Variants in GSE1 observed in about 807,000 individuals in gnomAD.
GSE1 encodes Gse1 coiled-coil protein, also known as genetic suppressor element 1.
In GSE1, 32 loss-of-function variants were observed where a neutral mutation model predicts 112.6. That is an observed-to-expected ratio of 0.28 (90% CI 0.21 to 0.38). The LOEUF is 0.38. GSE1 is among the 10% of genes least tolerant of loss of function. GSE1 has a pLI of 1.00. For missense variants in GSE1, 2,348 were observed against 1,699.2 expected (o/e 1.38, Z -6.71); for synonymous variants, 1,115 against 735.6 (o/e 1.52, Z -8.35).
intron 1 of GSE1, among the ~76,000 whole-genome samples, chr16:85,334,337 A>G (rs1041322665): frequency 6.6e-6 from 1 of 152,192 alleles, no homozygotes; most frequent in African/African-American, 2.4e-5. Flanking sequence ...CACGCCTCAC[A>G]GCATTTCTGG....
At chr16:85,478,014 G>T (rs988879069) in intron 2 of GSE1, among the ~76,000 whole-genome samples, 1 of 151,960 alleles carries the variant, frequency 6.6e-6, no homozygotes, top group East Asian at 1.9e-4. Context: ...CCCCATTAGC[G>T]GTCACTCCGC....
intron 2 of GSE1, among the ~76,000 whole-genome samples, chr16:85,371,968 G>A (rs2047310467): frequency 6.6e-6 from 1 of 152,232 alleles, no homozygotes; most frequent in African/African-American, 2.4e-5. Flanking sequence ...GAGAGGGAGA[G>A]GAAGCGTGCA....
In GSE1 at chr16:85,656,394, CGAGCGTGAGCGT is replaced by C. The variant is rs145522531; in HGVS notation, c.1045_1056del (p.Arg349_Glu352del). The C allele has an allele frequency of 1.6e-4, 240 of 1,532,338 alleles. 1 individual carries two copies. Among genetic ancestry groups the C allele is most frequent in the Middle Eastern group, 5.3e-4 (3 of 5,714 alleles). The allele number at this position is 1,532,338 out of a possible 1,614,324, so 94.9% of individuals were successfully genotyped here. A position where few individuals can be genotyped will look rare whatever the true frequency, so the allele number is the denominator to read the frequency against. ...GGGAGAGGGAGCGCGAGCGCGAGCGCGAGCGTGAGCGTGAGGCTGACCGCGAGCGGGAGAAGG... is the reference window on the plus strand; with the variant it reads ...GGGAGAGGGAGCGCGAGCGCGAGCGCGAGGCTGACCGCGAGCGGGAGAAGG... On this transcript the variant is annotated inframe_deletion, in exon 7 of 16. Coordinates refer to ENST00000253458, the MANE Select transcript of GSE1 (RefSeq NM_014615.5).
intron 1 of GSE1, among the ~76,000 whole-genome samples, chr16:85,199,424 C>T (rs1183814085): frequency 1.3e-5 from 2 of 152,070 alleles, no homozygotes; most frequent in South Asian, 2.1e-4. Context: ...CTCACGGGGC[C>T]GAGTCTTCTG....
intron 1 of GSE1, among the ~76,000 whole-genome samples, chr16:85,587,164 C>T (rs1484190671): frequency 3.5e-5 from 5 of 143,282 alleles, no homozygotes; most frequent in Admixed American, 1.4e-4. Flanking sequence ...GGTCTGAGGA[C>T]GAAACCCCCC....
At chr16:85,561,564 G>C (rs1022863533) in intron 1 of GSE1, among the ~76,000 whole-genome samples, 1 of 152,188 alleles carries the variant, frequency 6.6e-6, no homozygotes, top group South Asian at 2.1e-4. Context: ...GGCTGCCCTC[G>C]GCCCTCCAGG....
At chr16:85,398,008 A>C (rs1338537315) in intron 2 of GSE1, among the ~76,000 whole-genome samples, 1 of 151,984 alleles carries the variant, frequency 6.6e-6, no homozygotes, top group Non-Finnish European at 1.5e-5. Context: ...GGGGCTGCAG[A>C]CCTTGGTGTA....
intron 2 of GSE1, among the ~76,000 whole-genome samples, chr16:85,518,310 G>A (rs890324491): frequency 6.6e-6 from 1 of 152,170 alleles, no homozygotes; most frequent in African/African-American, 2.4e-5. Flanking sequence ...CACCATGGAT[G>A]GGGCAGATTG....
intron 1 of GSE1, among the ~76,000 whole-genome samples, chr16:85,352,586 C>G (rs2046872336): frequency 6.6e-6 from 1 of 152,192 alleles, no homozygotes; most frequent in Non-Finnish European, 1.5e-5. Flanking sequence ...AGCACATATG[C>G]AGGTTTCAGG....
chr16:85,352,641 A>G (rs60720026), intron 1 of GSE1, among the ~76,000 whole-genome samples: 8,137 of 152,270 alleles, frequency 0.053, 684 homozygotes, highest in African/African-American at 0.18. Context: ...TTAGAAGGAT[A>G]AGGAAGGGGG....
intron 1 of GSE1, among the ~76,000 whole-genome samples, chr16:85,307,611 C>CAT (rs2045715942): frequency 5.1e-5 from 2 of 39,568 alleles, no homozygotes; most frequent in Non-Finnish European, 8.5e-5. Context: ...TGTGATGGCA[C>CAT]ACAGCATTGC....
chr16:85,236,951 G>C (rs955079466), intron 1 of GSE1, among the ~76,000 whole-genome samples: 1 of 152,208 alleles, frequency 6.6e-6, no homozygotes, highest in Non-Finnish European at 1.5e-5. Context: ...CTTGCACCCT[G>C]AGTGCATTTA....
intron 2 of GSE1, among the ~76,000 whole-genome samples, chr16:85,392,584 T>A (rs2047867470): frequency 6.6e-6 from 1 of 152,240 alleles, no homozygotes; most frequent in African/African-American, 2.4e-5. Flanking sequence ...TTATGTATAA[T>A]AAAGCTGTTA....
In GSE1 at chr16:85,495,427, CA is replaced by C. The variant is rs764094278; in HGVS notation, c.2464+137785del. ...AGCTCAGATGAGAACATGCTGGGAA[CA>C]TTTTATTTATTTATTTATTTATTTA... On this transcript the variant is annotated intron_variant, in intron 2 of 2. Transcript: ENST00000637419. Among the ~76,000 whole-genome samples, 895 of 132,624 alleles carry C rather than the reference CA, an allele frequency of 6.7e-3. 4 individuals carry two copies. The highest frequency in any genetic ancestry group is 8.9e-3 in the Non-Finnish European group (563 of 63,078). The allele number at this position is 132,624 out of a possible 152,430, so 87.0% of individuals were successfully genotyped here.
At chr16:85,482,735 T>C (rs570799902) in intron 2 of GSE1, among the ~76,000 whole-genome samples, 38 of 152,318 alleles carry the variant, frequency 2.5e-4, no homozygotes, top group African/African-American at 8.7e-4. Flanking sequence ...CCCAGCACTT[T>C]GGGAGGCCAA....
chr16:85,608,093 C>G (rs892214906), upstream of GSE1, among the ~76,000 whole-genome samples: 1 of 152,150 alleles, frequency 6.6e-6, no homozygotes, highest in Non-Finnish European at 1.5e-5. Flanking sequence ...ATGGGAAAAG[C>G]CTTCTTGCAA....
At chr16:85,331,359 G>GTATATATATATGTATATATA (rs1192723319) in intron 1 of GSE1, among the ~76,000 whole-genome samples, 18 of 54,510 alleles carry the variant, frequency 3.3e-4, no homozygotes, top group East Asian at 1.6e-3. Flanking sequence ...GTGTGTGTGT[G>GTATATATATATGTATATATA]TGTGTGTATA....
chr16:85,444,468 C>CG (rs1250985399), intron 2 of GSE1, among the ~76,000 whole-genome samples: 7 of 152,046 alleles, frequency 4.6e-5, no homozygotes, highest in African/African-American at 7.2e-5. Context: ...TGAGAGCTGC[C>CG]GAGTCTGGTT....
chr16:85,654,350 G>A lies in GSE1; in HGVS notation c.499G>A (p.Ala167Thr). 6.2e-7 allele frequency: 1 copy of A among 1,612,270 alleles called. No individual in the cohort carries two copies. The highest frequency in any genetic ancestry group is 2.2e-5 in the East Asian group (1 of 44,866). The change falls in exon 4 of 16, where the codon GCA becomes ACA. Residue 167 changes from alanine to threonine, a missense_variant. Transcript: ENST00000253458. ...GGAGCCCCCGCTCCCTCAGGAGAAG[G>A]CAGGGGGACCAGCCATCCCCTCGCA... is the stretch of plus-strand genomic sequence containing the variant. ...IVEPPLPQEK[A>T]GGPAIPSHLL... is the part of the protein sequence containing the mutation.
Sources: gnomAD v4.1 joint callset for allele counts (sites outside exome capture counted in the v4.1 genomes callset) on GRCh38, gnomAD v4.1.1 for gene constraint, MANE v1.5 for transcripts, NCBI Gene and HGNC (gene_info 2026-07-23, HGNC 2026-07-21) for gene names.